Variants in ZNF521 observed in about 807,000 individuals in gnomAD.
ZNF521 encodes LYST-interacting protein 3.
Under a neutral mutation model 105.5 loss-of-function variants are expected in ZNF521, and 14 were observed. That is an observed-to-expected ratio of 0.13 (90% CI 0.09 to 0.21). The LOEUF (loss-of-function observed/expected upper bound fraction) is 0.21. Among genes scored for constraint, ZNF521 ranks in the 10% least tolerant of loss-of-function variants. The probability of loss-of-function intolerance (pLI) is 1.00; values close to 1 mark genes in which losing one functional copy is unlikely to be tolerated. For missense variants in ZNF521, 1,233 were observed against 1,629.7 expected (o/e 0.76, Z 4.19); for synonymous variants, 635 against 606.0 (o/e 1.05, Z -0.70).
chr18:25,108,070 T>A (rs1039992478), intron 5 of ZNF521, among the ~76,000 whole-genome samples: 17 of 152,248 alleles, frequency 1.1e-4, no homozygotes, highest in African/African-American at 3.9e-4. Flanking sequence ...GTCACAGGAA[T>A]GCATATTAAC....
At chr18:25,273,717 G>T (rs1342565592) in intron 3 of ZNF521, 1 of 152,156 alleles carries the variant, frequency 6.6e-6, no homozygotes, top group African/African-American at 2.4e-5. Flanking sequence ...AGTATATATG[G>T]ATTGTTCATA....
chr18:25,323,536 G>T (rs1039455537), intron 2 of ZNF521, among the ~76,000 whole-genome samples: 1 of 151,996 alleles, frequency 6.6e-6, no homozygotes, highest in African/African-American at 2.4e-5. Context: ...CCAACTCCTG[G>T]CCTCAAGCAA....
intron 3 of ZNF521, among the ~76,000 whole-genome samples, chr18:25,263,669 G>A (rs760258855): frequency 3.9e-5 from 6 of 152,166 alleles, no homozygotes; most frequent in Non-Finnish European, 7.3e-5. Flanking sequence ...TCTGCCTTCC[G>A]GGTTCAAGCC....
intron 5 of ZNF521, among the ~76,000 whole-genome samples, chr18:25,136,169 T>C (rs2034729868): frequency 6.6e-6 from 1 of 152,194 alleles, no homozygotes; most frequent in Admixed American, 6.5e-5. Flanking sequence ...TACAGTTTCT[T>C]TGGAAAGAAA....
intron 2 of ZNF521, among the ~76,000 whole-genome samples, chr18:25,326,406 A>G (rs930400809): frequency 2.6e-5 from 4 of 152,340 alleles, no homozygotes; most frequent in Middle Eastern, 3.4e-3. Context: ...TATAATTATT[A>G]CCAGGCAAGG....
intron 5 of ZNF521, among the ~76,000 whole-genome samples, chr18:25,194,349 T>C (rs1446260504): frequency 6.6e-6 from 1 of 151,932 alleles, no homozygotes; most frequent in African/African-American, 2.4e-5. Context: ...GTCATTGTAC[T>C]AGTAGAAAAA....
chr18:25,128,164 C>T (rs1229591337), intron 5 of ZNF521, among the ~76,000 whole-genome samples: 2 of 151,092 alleles, frequency 1.3e-5, no homozygotes, highest in African/African-American at 2.4e-5. Flanking sequence ...AAGGCAAGTT[C>T]AACATTTGAA....
At chr18:25,129,460 C>T (rs2034600656) in intron 5 of ZNF521, among the ~76,000 whole-genome samples, 1 of 151,440 alleles carries the variant, frequency 6.6e-6, no homozygotes, top group Admixed American at 6.6e-5. Context: ...AAAGCATGAT[C>T]CATGAAAGAA....
At chr18:25,135,884 T>C (rs538260935) in intron 5 of ZNF521, among the ~76,000 whole-genome samples, 33 of 152,282 alleles carry the variant, frequency 2.2e-4, no homozygotes, top group Middle Eastern at 3.4e-3. Context: ...CTTTTTAATA[T>C]ATATGTCAGC....
chr18:25,199,538 T>A (rs1218029914), intron 4 of ZNF521, among the ~76,000 whole-genome samples: 2 of 151,986 alleles, frequency 1.3e-5, no homozygotes, highest in South Asian at 4.1e-4. Flanking sequence ...TGGTAGGAGA[T>A]GCATACTGAG....
intron 3 of ZNF521, among the ~76,000 whole-genome samples, chr18:25,289,114 G>A (rs1038298559): frequency 6.6e-6 from 1 of 152,078 alleles, no homozygotes; most frequent in Non-Finnish European, 1.5e-5. Flanking sequence ...CTTCTTTGGT[G>A]AAGTTGTCTT....
chr18:25,220,243 A>G (rs1485665904), intron 4 of ZNF521, among the ~76,000 whole-genome samples: 1 of 152,210 alleles, frequency 6.6e-6, no homozygotes, highest in East Asian at 1.9e-4. Context: ...ATAATAACTA[A>G]GATATACTAT....
At chr18:25,345,962 G>A (rs1047775294) in intron 2 of ZNF521, among the ~76,000 whole-genome samples, 1 of 152,022 alleles carries the variant, frequency 6.6e-6, no homozygotes, top group Admixed American at 6.6e-5. Flanking sequence ...ATTTTTGCCT[G>A]TACAATCATG....
chr18:25,140,937 C>T (rs921280039), intron 5 of ZNF521, among the ~76,000 whole-genome samples: 2 of 152,124 alleles, frequency 1.3e-5, no homozygotes, highest in Admixed American at 1.3e-4. Context: ...ACAAGCTAAG[C>T]GGCAAAAAGC....
intron 7 of ZNF521, among the ~76,000 whole-genome samples, chr18:25,078,598 A>G (rs1028252733): frequency 2.6e-5 from 4 of 152,208 alleles, no homozygotes; most frequent in Non-Finnish European, 5.9e-5. Context: ...GAATAAGTGG[A>G]GTCTAAGGCA....
intron 7 of ZNF521, among the ~76,000 whole-genome samples, chr18:25,072,843 T>C (rs2033260213): frequency 6.6e-6 from 1 of 152,212 alleles, no homozygotes; most frequent in Non-Finnish European, 1.5e-5. Context: ...GACAGATGTG[T>C]CCATGTGCCA....
At chr18:25,067,221 T>C (rs150482188) in intron 7 of ZNF521, among the ~76,000 whole-genome samples, 106 of 152,276 alleles carry the variant, frequency 7.0e-4, no homozygotes, top group Admixed American at 2.2e-3. Context: ...ACAACATACC[T>C]TAAAGCTGAA....
intron 3 of ZNF521, among the ~76,000 whole-genome samples, chr18:25,236,500 C>T (rs1396400531): frequency 6.7e-6 from 1 of 148,810 alleles, no homozygotes; most frequent in African/African-American, 2.5e-5. Flanking sequence ...CACGCCACTG[C>T]AGTCCAGCCT....
intron 5 of ZNF521, among the ~76,000 whole-genome samples, chr18:25,139,780 T>A (rs940442239): frequency 1.4e-4 from 21 of 152,174 alleles, no homozygotes; most frequent in Non-Finnish European, 2.5e-4. Context: ...AATGTGTATG[T>A]CTCCCTCCCA....
Sources: allele counts gnomAD v4.1 joint callset (sites outside exome capture counted in the v4.1 genomes callset), GRCh38; gene constraint gnomAD v4.1.1; transcripts MANE v1.5; gene names NCBI Gene and HGNC (gene_info 2026-07-23, HGNC 2026-07-21).